Variants in WASHC5 observed in about 807,000 individuals in gnomAD.
The protein encoded by WASHC5 is WASH complex subunit strumpellin.
A neutral mutation model predicts 150.4 loss-of-function variants in WASHC5; 101 were observed. The observed-to-expected ratio is 0.67, with a 90% CI of 0.57 to 0.79. The LOEUF (loss-of-function observed/expected upper bound fraction) is 0.79, where lower values mean the gene tolerates loss of function less well. Among genes scored for constraint, WASHC5 ranks in the 30% least tolerant of loss-of-function variants. WASHC5 has a pLI of 0.00. For synonymous variants in WASHC5, 467 were observed against 491.2 expected, an observed-to-expected ratio of 0.95 and a Z score of 0.65; for missense variants, 1,195 against 1,396.3, an observed-to-expected ratio of 0.86 and a Z score of 2.30.
Position 125,032,193 on chromosome 8 carries a change from A to G in WASHC5, c.3335+48T>C. 1.9e-6 allele frequency: 3 copies of G among 1,603,980 alleles called. No homozygotes were observed. The South Asian group carries it at 3.3e-5, about 18-fold the overall frequency. On this transcript the variant is annotated intron_variant, in intron 27 of 28. Transcript: ENST00000318410. ...AATTTGGTAATGTGAGGTTTAAGTTAGGTTTTGTGACAAGAAGTCCCACGT... is the reference window on the plus strand; with the variant it reads ...AATTTGGTAATGTGAGGTTTAAGTTGGGTTTTGTGACAAGAAGTCCCACGT...
intron 28 of WASHC5, 22 bp downstream of exon 28, chr8:125,028,598 T>C (rs1318379834): frequency 6.6e-7 from 1 of 1,524,128 alleles, no homozygotes. Context: ...ATTAATATTG[T>C]TCTTTACTAT....
Position 125,059,376 on chromosome 8 carries a change from CT to C in WASHC5, c.1687del (p.Ser563ValfsTer10). Reference protein sequence around the residue: ...DLSFAWQLIDSFTSIMQESIR... With the variant: ...DLSFAWQLIDXFTSIMQESIR... ...GCAAATGTCAGGCTGCCTACATTAC[CT>C]GTCAATCAACTGCCAAGCGAAAGAA... On this transcript the variant is annotated frameshift_variant and splice_region_variant, in exon 13 of 29. Transcript: ENST00000318410. LOFTEE classifies it high-confidence loss of function. 19 of 1,614,140 alleles carry C rather than the reference CT, an allele frequency of 1.2e-5. No individual in the cohort carries two copies. The highest frequency in any genetic ancestry group is 1.6e-5 in the Non-Finnish European group (19 of 1,180,018).
intron 28 of WASHC5, among the ~76,000 whole-genome samples, chr8:125,026,441 T>C (rs1462121388): frequency 1.3e-5 from 2 of 151,742 alleles, no homozygotes; most frequent in African/African-American, 4.9e-5. Context: ...AAAAATCAAG[T>C]CTCTAAATCT....
intron 19 of WASHC5, 67 bp from the exon 20 acceptor site, chr8:125,047,398 A>G: frequency 1.3e-6 from 2 of 1,489,724 alleles, no homozygotes; most frequent in South Asian, 2.3e-5. Flanking sequence ...CCTTTTCCAT[A>G]TAATTTTACA....
intron 1 of WASHC5, among the ~76,000 whole-genome samples, chr8:125,085,712 C>T (rs1367322580): frequency 6.6e-6 from 1 of 152,206 alleles, no homozygotes; most frequent in African/African-American, 2.4e-5. Flanking sequence ...CTAGCTTCCT[C>T]CTACAGCCAG....
intron 18 of WASHC5, among the ~76,000 whole-genome samples, 170 bp downstream of exon 18, chr8:125,050,393 GA>G (rs1433377727): frequency 6.6e-6 from 1 of 152,126 alleles, no homozygotes; most frequent in African/African-American, 2.4e-5. Flanking sequence ...TTTATAATAT[GA>G]ATGGATTATA....
Position 125,061,045 on chromosome 8 carries a change from T to C in WASHC5, c.1521+37A>G, listed in dbSNP as rs544743683. 6.8e-6 allele frequency: 8 copies of C among 1,184,930 alleles called. No homozygotes were observed. In the East Asian group the frequency reaches 1.4e-4, roughly 21 times the overall value. 73.4% of individuals were successfully genotyped at this position (1,184,930 alleles called of 1,614,324 possible). A position where few individuals can be genotyped will look rare whatever the true frequency, so the allele number is the denominator to read the frequency against. ...TGGGTGGGTCATAAGGTGTGATTCA[T>C]GATCCAAGAACCTGCATTTAAAAAG... On this transcript the variant is annotated intron_variant, in intron 12 of 28. Coordinates refer to ENST00000318410, the MANE Select transcript of WASHC5 (RefSeq NM_014846.4).
intron 5 of WASHC5, among the ~76,000 whole-genome samples, chr8:125,079,705 G>A (rs1343456894): frequency 6.6e-6 from 1 of 152,082 alleles, no homozygotes; most frequent in African/African-American, 2.4e-5. Context: ...GAATAATTCT[G>A]GAGGAAAATT....
In WASHC5 at chr8:125,051,514, G is replaced by A. The variant is rs527732297; in HGVS notation, c.2098-849C>T. On this transcript the variant is annotated intron_variant, in intron 17 of 28. Transcript: ENST00000318410. ...AAACACATTAAACTACGTCAAGATC[G>A]TTCAATCAGGGAAATCCAGACTGTG... is the stretch of plus-strand genomic sequence containing the variant. 5.3e-5 allele frequency among the ~76,000 whole-genome samples: 8 copies of A among 152,328 alleles called. No individual in the cohort carries two copies. The East Asian group carries it at 9.6e-4, about 18-fold the overall frequency.
chr8:125,028,718 G>T lies in WASHC5; in HGVS notation c.3336-11C>A. On this transcript the variant is annotated splice_polypyrimidine_tract_variant and intron_variant, in intron 27 of 28. Coordinates refer to ENST00000318410, the MANE Select transcript of WASHC5 (RefSeq NM_014846.4). ...TCAGGTATCTTCTGGCTGTGATAGA[G>T]AACAGTTTAGATCAATTAACTGCTT... The T allele has an allele frequency of 1.3e-6, 2 of 1,591,168 alleles. No individual in the cohort carries two copies. Among genetic ancestry groups the T allele is most frequent in the South Asian group, 1.1e-5 (1 of 90,598 alleles).
intron 18 of WASHC5, among the ~76,000 whole-genome samples, chr8:125,049,619 G>A (rs1236258707): frequency 1.3e-5 from 2 of 151,438 alleles, no homozygotes; most frequent in African/African-American, 4.9e-5. Flanking sequence ...GGCTGAGATG[G>A]GTGGATCACT....
chr8:125,058,072 C>A (rs1026547752), intron 14 of WASHC5, among the ~76,000 whole-genome samples: 1 of 151,204 alleles, frequency 6.6e-6, no homozygotes, highest in African/African-American at 2.4e-5. Flanking sequence ...TTCTGATTGA[C>A]GTTCTGATAG....
At chr8:125,064,679 A>C (rs373464013) in intron 10 of WASHC5, among the ~76,000 whole-genome samples, 1 of 152,240 alleles carries the variant, frequency 6.6e-6, no homozygotes, top group Admixed American at 6.5e-5. Flanking sequence ...ATCTCAGACA[A>C]GGGTAGATGG....
At position 125,059,291 on chromosome 8, in the gene WASHC5, T is replaced by C. The variant is rs2130097605; in HGVS notation, c.1695A>G (p.Thr565=). The change falls in exon 14 of 29, where the codon ACA becomes ACG. Residue 565 remains threonine, a synonymous_variant. Coordinates refer to ENST00000318410, the MANE Select transcript of WASHC5 (RefSeq NM_014846.4). The part of the protein sequence containing the change: ...SFAWQLIDSF[T]SIMQESIRVN... ...CCCTTATGCTTTCTTGCATGATGGA[T>C]GTGAAACTGTAAAAAGAAAAGAAAC... The C allele has an allele frequency of 1.2e-6, 2 of 1,614,050 alleles. No homozygotes were observed. The highest frequency in any genetic ancestry group is 1.7e-6 in the Non-Finnish European group (2 of 1,179,924).
intron 19 of WASHC5, 56 bp from the exon 20 acceptor site, chr8:125,047,387 C>A: frequency 6.5e-7 from 1 of 1,534,504 alleles, no homozygotes; most frequent in Non-Finnish European, 9.0e-7. Flanking sequence ...ACCTAGTTAT[C>A]CCTTTTCCAT....
At chr8:125,028,215 T>C (rs755478518) in intron 28 of WASHC5, among the ~76,000 whole-genome samples, 48 of 152,254 alleles carry the variant, frequency 3.2e-4, no homozygotes, top group Non-Finnish European at 5.4e-4. Flanking sequence ...ACAGTGCTCA[T>C]ATATACATTT....
At chr8:125,025,631 T>C (rs534710392) in intron 28 of WASHC5, among the ~76,000 whole-genome samples, 1 of 152,306 alleles carries the variant, frequency 6.6e-6, no homozygotes, top group Admixed American at 6.5e-5. Flanking sequence ...GAGGCTGTAG[T>C]GAGCCCAGAT....
In WASHC5 at chr8:125,056,686, T is replaced by C; in HGVS notation, c.2007A>G (p.Pro669=). The change falls in exon 16 of 29, where the codon CCA becomes CCG. Residue 669 remains proline (P), a synonymous_variant. Coordinates refer to ENST00000318410, the MANE Select transcript of WASHC5 (RefSeq NM_014846.4). Reference sequence around the variant, plus strand: ...CAGAGGGACACAGCACCTCGTATCGTGGGCCTAGCTGAGCATAGTCCCTCA... The same window carrying C: ...CAGAGGGACACAGCACCTCGTATCGCGGGCCTAGCTGAGCATAGTCCCTCA... ...DKLRDYAQLG[P]RYEVAKLTHA... 6.2e-7 allele frequency: 1 copy of C among 1,614,136 alleles called. No individual in the cohort carries two copies. Among genetic ancestry groups the C allele is most frequent in the East Asian group, 2.2e-5 (1 of 44,882 alleles).
chr8:125,071,706 T>C (rs1816900777), intron 9 of WASHC5, among the ~76,000 whole-genome samples: 1 of 152,220 alleles, frequency 6.6e-6, no homozygotes, highest in South Asian at 2.1e-4. Context: ...GGTGTCTGTT[T>C]ACTGCCTTGG....
Sources: gnomAD v4.1 joint callset for allele counts (sites outside exome capture counted in the v4.1 genomes callset) on GRCh38, gnomAD v4.1.1 for gene constraint, MANE v1.5 for transcripts, NCBI Gene and HGNC (gene_info 2026-07-23, HGNC 2026-07-21) for gene names.